Variants in RAP2C observed in about 807,000 individuals in gnomAD.
RAP2C encodes ras-related protein Rap-2c.
A neutral mutation model predicts 8.9 loss-of-function variants in RAP2C; 3 were observed. The observed-to-expected ratio is 0.34, with a 90% confidence interval of 0.15 to 0.87. RAP2C has a LOEUF of 0.87. RAP2C is among the 40% of genes least tolerant of loss of function. The pLI is 0.51. For synonymous variants in RAP2C, 60 were observed against 52.1 expected, an observed-to-expected ratio of 1.15 and a Z score of -0.65; for missense variants, 76 against 133.7, an observed-to-expected ratio of 0.57 and a Z score of 2.13.
At chrX:132,216,094 G>A (rs942087183) in intron 4 of RAP2C, among the ~76,000 whole-genome samples, 5 of 111,958 alleles carry the variant, frequency 4.5e-5, no homozygotes, top group Non-Finnish European at 9.4e-5. Flanking sequence ...TCAATATAAT[G>A]GGTCAATATG....
chrX:132,212,841 A>G (rs1302736568), intron 5 of RAP2C, among the ~76,000 whole-genome samples: 1 of 112,430 alleles, frequency 8.9e-6, no homozygotes, highest in Admixed American at 9.4e-5. Context: ...ATGGTCTGAA[A>G]AGTGACTTTA....
In RAP2C at chrX:132,217,098, G is replaced by A. The variant is rs1399780607; in HGVS notation, c.171C>T (p.Asp57=). 2 of 1,203,714 alleles carry A rather than the reference G, an allele frequency of 1.7e-6. No homozygotes were observed. The highest frequency in any genetic ancestry group is 4.4e-5 in the Admixed American group (2 of 44,970). Residue 57 remains aspartate, a synonymous_variant, in exon 4 of 6, where the codon GAC becomes GAT. Transcript: ENST00000370874. ...DSSPSVLEIL[D]TAGTEQFASM... ...AGGCAAACTGCTCAGTTCCTGCGGT[G>A]TCCAGAATTTCCAGCACGGAGGGGG...
intron 5 of RAP2C, among the ~76,000 whole-genome samples, chrX:132,210,074 T>C (rs1405134303): frequency 8.9e-6 from 1 of 111,765 alleles, no homozygotes; most frequent in East Asian, 2.8e-4. Context: ...CAGATGAGCA[T>C]TTTAAATAAG....
chrX:132,218,589 T>G (rs897325721), intron 1 of RAP2C: 2 of 112,186 alleles, frequency 1.8e-5, no homozygotes, highest in Non-Finnish European at 3.8e-5. Context: ...TTCTTCCACT[T>G]GCTATTTTGC....
intron 5 of RAP2C, among the ~76,000 whole-genome samples, chrX:132,211,005 C>A (rs752113437): frequency 9.0e-6 from 1 of 110,591 alleles, no homozygotes; most frequent in Non-Finnish European, 1.9e-5. Flanking sequence ...GATTCAAATG[C>A]TATTGCTCCC....
At position 132,217,369 on chromosome X, in the gene RAP2C, T is replaced by C. The variant is rs1930641956; in HGVS notation, c.-101A>G. ...GGAAGGTGGGCGGAAATCTGCGAAC[T>C]GGGGAGGAGAGTGCAGAGGAGCAGA... On this transcript the variant is annotated 5_prime_UTR_variant, in exon 4 of 6. Transcript: ENST00000370874. 2.7e-6 allele frequency: 2 copies of C among 729,115 alleles called. No homozygotes were observed. Among genetic ancestry groups the C allele is most frequent in the Non-Finnish European group, 3.6e-6 (2 of 556,179 alleles). 60.1% of individuals were successfully genotyped at this position (729,115 alleles called of 1,213,427 possible).
intron 2 of RAP2C, 104 bp downstream of exon 2, chrX:132,218,128 A>ACCCCCACCCCCACCCCCACCCCCC (rs1930717146): frequency 9.4e-5 from 1 of 10,618 alleles, no homozygotes. Context: ...CCCCACCCCC[A>ACCCCCACCCCCACCCCCACCCCCC]CCCCCACCAA....
rs1375307303 is a variant in RAP2C at position 132,204,773 on chromosome X, T to A, written c.*849A>T. 9.0e-6 allele frequency: 1 copy of A among 111,156 alleles called. No individual in the cohort carries two copies. The highest frequency in any genetic ancestry group is 1.9e-5 in the Non-Finnish European group (1 of 52,907). 9.2% of individuals were successfully genotyped at this position (111,156 alleles called of 1,213,427 possible). A position where few individuals can be genotyped will look rare whatever the true frequency, so the allele number is the denominator to read the frequency against. ...AGGTATACAATTAATTTACCATGGA[T>A]ACAATATCCCTTTTCAAAGGCATTG... On this transcript the variant is annotated 3_prime_UTR_variant, in exon 6 of 6. Transcript: ENST00000370874.
intron 5 of RAP2C, among the ~76,000 whole-genome samples, chrX:132,209,886 T>A (rs1388008200): frequency 9.0e-6 from 1 of 111,610 alleles, no homozygotes; most frequent in Non-Finnish European, 1.9e-5. Flanking sequence ...GAACCAACCC[T>A]ATGAATTCAG....
At position 132,218,287 on chromosome X, in the gene RAP2C, G is replaced by C. The variant is rs1417454086; in HGVS notation, c.-691C>G. The stretch of plus-strand genomic sequence containing the variant: ...CCGCGCCCTGCTGAGCGAGCGAGCC[G>C]GCCGGGGACGGTTTCGGGTCGGGAC... On this transcript the variant is annotated 5_prime_UTR_variant, in exon 2 of 6. Transcript: ENST00000370874. 9.1e-6 allele frequency: 1 copy of C among 109,382 alleles called. No individual in the cohort carries two copies. The highest frequency in any genetic ancestry group is 2.9e-4 in the East Asian group (1 of 3,416). The allele number at this position is 109,382 out of a possible 1,213,427, so 9.0% of individuals were successfully genotyped here.
At chrX:132,218,413 C>G (rs1930738515) in intron 1 of RAP2C, 72 bp from the exon 2 acceptor site, 1 of 108,988 alleles carries the variant, frequency 9.2e-6, no homozygotes, top group African/African-American at 3.3e-5. Flanking sequence ...GAAGCCCCTC[C>G]GACCTGCAAC....
chrX:132,216,883 G>T, intron 4 of RAP2C, 113 bp downstream of exon 4: 1 of 764,304 alleles, frequency 1.3e-6, no homozygotes, highest in Non-Finnish European at 1.8e-6. Context: ...AATGCGTCAT[G>T]TCTAACTTTC....
intron 5 of RAP2C, among the ~76,000 whole-genome samples, chrX:132,209,594 T>C (rs1930371851): frequency 8.9e-6 from 1 of 112,342 alleles, no homozygotes; most frequent in African/African-American, 3.2e-5. Flanking sequence ...GGGGAGAATC[T>C]TTTCTGTAGT....
intron 5 of RAP2C, among the ~76,000 whole-genome samples, chrX:132,205,895 C>G (rs893030907): frequency 9.0e-6 from 1 of 111,542 alleles, no homozygotes; most frequent in Non-Finnish European, 1.9e-5. Context: ...AATGTCCTTA[C>G]TGGTTTAAAT....
In RAP2C at chrX:132,217,092, T is replaced by C. The variant is rs758746584; in HGVS notation, c.177A>G (p.Ala59=). 2.5e-5 allele frequency: 30 copies of C among 1,201,010 alleles called. No homozygotes were observed. Among genetic ancestry groups the C allele is most frequent in the Non-Finnish European group, 3.0e-5 (27 of 890,588 alleles). The part of the protein sequence containing the change: ...SPSVLEILDT[A]GTEQFASMRD... The stretch of plus-strand genomic sequence containing the variant: ...TCATGGAGGCAAACTGCTCAGTTCC[T>C]GCGGTGTCCAGAATTTCCAGCACGG... The change falls in exon 4 of 6, where the codon GCA becomes GCG. Residue 59 remains alanine (A), a synonymous_variant. Coordinates refer to ENST00000370874, the MANE Select transcript of RAP2C (RefSeq NM_001271186.2).
chrX:132,213,372 TA>T (rs1175413338), intron 5 of RAP2C, among the ~76,000 whole-genome samples: 9 of 110,742 alleles, frequency 8.1e-5, no homozygotes, highest in African/African-American at 1.3e-4. Context: ...GTATGAGTTT[TA>T]AAAAAAAACT....
intron 5 of RAP2C, among the ~76,000 whole-genome samples, chrX:132,209,855 C>A (rs1387491912): frequency 1.8e-5 from 2 of 111,967 alleles, no homozygotes; most frequent in African/African-American, 6.5e-5. Context: ...GGCACCTGTC[C>A]ACTCTCAAGT....
chrX:132,208,931 T>A (rs1464543137), intron 5 of RAP2C, among the ~76,000 whole-genome samples: 3 of 112,081 alleles, frequency 2.7e-5, no homozygotes, highest in Non-Finnish European at 5.6e-5. Flanking sequence ...CTTCCCAAAG[T>A]GCTGGGATGA....
chrX:132,216,878 G>A (rs1177253555), intron 4 of RAP2C, 118 bp downstream of exon 4: 4 of 725,886 alleles, frequency 5.5e-6, no homozygotes, highest in East Asian at 3.8e-5. Context: ...TCAAAAATGC[G>A]TCATGTCTAA....
Sources: allele counts gnomAD v4.1 joint callset (sites outside exome capture counted in the v4.1 genomes callset), GRCh38; gene constraint gnomAD v4.1.1; transcripts MANE v1.5; gene names NCBI Gene and HGNC (gene_info 2026-07-23, HGNC 2026-07-21).